BACH2: variants seen among roughly 807,000 people sequenced by gnomAD.
BACH2 encodes the protein transcription regulator protein BACH2.
In BACH2, 5 loss-of-function variants were observed where a neutral mutation model predicts 61.8. The observed-to-expected ratio is 0.08, with a 90% CI of 0.04 to 0.17. The LOEUF is 0.17. Ranked by LOEUF, BACH2 falls within the 10% of genes least tolerant of loss-of-function variation. The pLI, the probability that BACH2 is intolerant of heterozygous loss-of-function variation, is 1.00. For missense variants in BACH2, 824 were observed against 1,091.1 expected, an observed-to-expected ratio of 0.76 and a Z score of 3.45; for synonymous variants, 446 against 440.1, an observed-to-expected ratio of 1.01 and a Z score of -0.17.
chr6:89,977,680 C>T (rs926567353), intron 6 of BACH2, among the ~76,000 whole-genome samples: 1 of 152,098 alleles, frequency 6.6e-6, no homozygotes, highest in African/African-American at 2.4e-5. Context: ...TCAAATGGAG[C>T]CTATCGCTTC....
chr6:90,074,412 G>T (rs1781379920), intron 5 of BACH2, among the ~76,000 whole-genome samples: 1 of 152,108 alleles, frequency 6.6e-6, no homozygotes, highest in Admixed American at 6.6e-5. Context: ...TGAAGCGCTG[G>T]GAACTCAGGG....
At chr6:90,252,930 C>T (rs114331410) in intron 2 of BACH2, among the ~76,000 whole-genome samples, 1 of 152,160 alleles carries the variant, frequency 6.6e-6, no homozygotes, top group East Asian at 1.9e-4. Context: ...AAGCCACAGT[C>T]CCTCTCAAAC....
chr6:90,192,595 A>AT, intron 4 of BACH2, among the ~76,000 whole-genome samples: 1 of 152,232 alleles, frequency 6.6e-6, no homozygotes. Flanking sequence ...GAAATATATC[A>AT]TTTTTCAGCA....
intron 4 of BACH2, among the ~76,000 whole-genome samples, chr6:90,175,347 GA>G (rs1241166493): frequency 2.0e-5 from 3 of 152,068 alleles, no homozygotes; most frequent in Non-Finnish European, 4.4e-5. Flanking sequence ...GAAATCATAA[GA>G]AACTCTCTTG....
At chr6:90,014,600 C>T (rs1384067823) in intron 5 of BACH2, among the ~76,000 whole-genome samples, 22 of 148,816 alleles carry the variant, frequency 1.5e-4, no homozygotes, top group Non-Finnish European at 2.5e-4. Context: ...CTCAGCCTCC[C>T]GAGTAGCTGG....
At chr6:90,088,650 C>T (rs1050594542) in intron 5 of BACH2, among the ~76,000 whole-genome samples, 3 of 152,158 alleles carry the variant, frequency 2.0e-5, no homozygotes, top group African/African-American at 7.2e-5. Flanking sequence ...ATCAGCCTCA[C>T]TTGGAAACTT....
chr6:90,190,187 C>T (rs1768520609), intron 4 of BACH2, among the ~76,000 whole-genome samples: 1 of 152,190 alleles, frequency 6.6e-6, no homozygotes, highest in South Asian at 2.1e-4. Flanking sequence ...TTGTGATCCG[C>T]CCTCCTGGGC....
chr6:90,152,618 T>G (rs1223437154), intron 4 of BACH2, among the ~76,000 whole-genome samples: 2 of 152,218 alleles, frequency 1.3e-5, no homozygotes, highest in African/African-American at 4.8e-5. Context: ...TTGAAAGTCT[T>G]GAATGTAGCA....
chr6:90,295,954 C>T (rs1032841255), intron 1 of BACH2, among the ~76,000 whole-genome samples: 19 of 152,220 alleles, frequency 1.2e-4, no homozygotes, highest in African/African-American at 4.6e-4. Flanking sequence ...CGGCCAAGGT[C>T]CTCGCGGAGC....
chr6:90,013,021 G>A (rs925507538), intron 5 of BACH2, among the ~76,000 whole-genome samples: 1 of 152,060 alleles, frequency 6.6e-6, no homozygotes. Context: ...ACCTAAGTAT[G>A]AATATTTTTG....
chr6:90,087,804 A>T (rs903095850), intron 5 of BACH2, among the ~76,000 whole-genome samples: 7 of 152,022 alleles, frequency 4.6e-5, no homozygotes, highest in Non-Finnish European at 7.4e-5. Flanking sequence ...GTTTTGATAC[A>T]GGCATGCAAT....
At chr6:90,220,422 C>A (rs2127855716) in intron 3 of BACH2, among the ~76,000 whole-genome samples, 1 of 152,256 alleles carries the variant, frequency 6.6e-6, no homozygotes, top group Non-Finnish European at 1.5e-5. Flanking sequence ...AAGTGACTAA[C>A]CAGAATGTCA....
At chr6:90,007,478 G>A (rs1777471707) in intron 6 of BACH2, among the ~76,000 whole-genome samples, 1 of 152,046 alleles carries the variant, frequency 6.6e-6, no homozygotes, top group African/African-American at 2.4e-5. Context: ...CTTGTTTTTT[G>A]TTGAATTTAG....
chr6:90,175,746 CTG>C, intron 4 of BACH2, among the ~76,000 whole-genome samples: 2 of 152,238 alleles, frequency 1.3e-5, no homozygotes, highest in Middle Eastern at 3.4e-3. Context: ...TAGAGAGAGA[CTG>C]TCTCTTTCAA....
chr6:90,154,125 T>C (rs558829984), intron 4 of BACH2, among the ~76,000 whole-genome samples: 1 of 152,290 alleles, frequency 6.6e-6, no homozygotes, highest in East Asian at 1.9e-4. Context: ...GATACTACTA[T>C]AAAAGCTGTA....
At chr6:90,052,849 T>C (rs1466714295) in intron 5 of BACH2, among the ~76,000 whole-genome samples, 1 of 152,260 alleles carries the variant, frequency 6.6e-6, no homozygotes, top group African/African-American at 2.4e-5. Context: ...TTATATTTTT[T>C]AAAAAATCTT....
intron 4 of BACH2, among the ~76,000 whole-genome samples, chr6:90,189,334 C>T (rs1308620791): frequency 6.6e-6 from 1 of 151,038 alleles, no homozygotes; most frequent in Admixed American, 6.6e-5. Context: ...TCCGGCCGGG[C>T]GCGGTGGCTC....
chr6:90,238,629 A>C (rs1770335934), intron 3 of BACH2, among the ~76,000 whole-genome samples: 1 of 152,230 alleles, frequency 6.6e-6, no homozygotes, highest in Non-Finnish European at 1.5e-5. Context: ...GACACAAGAC[A>C]GGGATCTAAG....
At chr6:89,943,548 G>A (rs1773562443) in intron 7 of BACH2, among the ~76,000 whole-genome samples, 1 of 152,072 alleles carries the variant, frequency 6.6e-6, no homozygotes, top group South Asian at 2.1e-4. Flanking sequence ...TCTTGCTCTG[G>A]TAGATTTCCC....
Sources: allele counts gnomAD v4.1 joint callset (sites outside exome capture counted in the v4.1 genomes callset), GRCh38; gene constraint gnomAD v4.1.1; transcripts MANE v1.5; gene names NCBI Gene and HGNC (gene_info 2026-07-23, HGNC 2026-07-21).